The following GLI3 variants were observed in gnomAD, a reference collection of about 807,000 sequenced individuals.
GLI3 encodes the protein transcription activator GLI3.
Under a neutral mutation model 100.8 loss-of-function variants are expected in GLI3, and 20 were observed. The ratio of observed to expected loss-of-function variants is 0.20; its 90% CI spans 0.14 to 0.29. The LOEUF is 0.29. Among genes scored for constraint, GLI3 ranks in the 10% least tolerant of loss-of-function variants. The probability of loss-of-function intolerance (pLI) is 1.00; values close to 1 mark genes in which losing one functional copy is unlikely to be tolerated. For missense variants in GLI3, 2,040 were observed against 2,128.5 expected (o/e 0.96, Z 0.82); for synonymous variants, 938 against 860.5 (o/e 1.09, Z -1.58).
At chr7:42,125,844 A>G (rs1467668139) in intron 3 of GLI3, among the ~76,000 whole-genome samples, 1 of 152,192 alleles carries the variant, frequency 6.6e-6, no homozygotes, top group Non-Finnish European at 1.5e-5. Context: ...CAAGATAGGA[A>G]AGCTGCATGT....
chr7:42,026,440 T>C, intron 7 of GLI3, 28 bp from the exon 8 acceptor site: 1 of 1,551,130 alleles, frequency 6.4e-7, no homozygotes, highest in South Asian at 1.1e-5. Flanking sequence ...AAAAAGACGA[T>C]CATCACTTAA....
chr7:42,122,420 C>G (rs1184726218), intron 3 of GLI3, among the ~76,000 whole-genome samples: 1 of 151,992 alleles, frequency 6.6e-6, no homozygotes. Flanking sequence ...TTCTGTGCCT[C>G]AGGTATTCAA....
chr7:42,099,964 C>T (rs953667168), intron 3 of GLI3, among the ~76,000 whole-genome samples: 1 of 152,286 alleles, frequency 6.6e-6, no homozygotes, highest in African/African-American at 2.4e-5. Flanking sequence ...AATCCACTCT[C>T]TTTCTCTGTA....
chr7:41,989,915 C>G (rs996823540), intron 10 of GLI3, among the ~76,000 whole-genome samples: 40 of 147,960 alleles, frequency 2.7e-4, no homozygotes, highest in African/African-American at 8.3e-4. Context: ...GTCCCAGCTA[C>G]CTGAGAGGCT....
intron 3 of GLI3, among the ~76,000 whole-genome samples, chr7:42,116,652 C>T (rs1785865200): frequency 1.3e-5 from 2 of 152,124 alleles, no homozygotes; most frequent in Non-Finnish European, 2.9e-5. Context: ...CATTGGTTAC[C>T]GGAGATGGCC....
intron 3 of GLI3, among the ~76,000 whole-genome samples, chr7:42,088,034 C>T (rs892028193): frequency 7.2e-5 from 11 of 152,148 alleles, no homozygotes; most frequent in African/African-American, 2.4e-4. Context: ...GAGAATCCCC[C>T]GCTGCTTAGA....
intron 1 of GLI3, among the ~76,000 whole-genome samples, chr7:42,251,880 C>G (rs943880808): frequency 5.3e-5 from 8 of 151,884 alleles, no homozygotes; most frequent in African/African-American, 1.9e-4. Context: ...GAAGTAATGG[C>G]AAGTTATCTA....
intron 10 of GLI3, among the ~76,000 whole-genome samples, chr7:42,010,822 T>C (rs994597871): frequency 2.6e-5 from 4 of 152,244 alleles, no homozygotes; most frequent in African/African-American, 9.6e-5. Context: ...CTAATGAGTT[T>C]AGTGGCCTTC....
At chr7:42,038,932 AC>A (rs1312036856) in intron 7 of GLI3, among the ~76,000 whole-genome samples, 3 of 152,180 alleles carry the variant, frequency 2.0e-5, no homozygotes, top group Non-Finnish European at 4.4e-5. Flanking sequence ...AACTAACGCT[AC>A]CGCTCATTCA....
chr7:42,184,665 C>T (rs943611106), intron 2 of GLI3, among the ~76,000 whole-genome samples: 4 of 152,190 alleles, frequency 2.6e-5, no homozygotes, highest in Non-Finnish European at 5.9e-5. Flanking sequence ...GAGACACAGA[C>T]ACCCTTTAGC....
chr7:42,045,965 CTGAGT>C (rs1372369065), intron 5 of GLI3, among the ~76,000 whole-genome samples: 6 of 152,146 alleles, frequency 3.9e-5, no homozygotes, highest in Non-Finnish European at 8.8e-5. Context: ...ACAAGAGTGT[CTGAGT>C]TAACTCTCAC....
At chr7:42,063,648 A>G (rs973638456) in intron 4 of GLI3, among the ~76,000 whole-genome samples, 2 of 152,210 alleles carry the variant, frequency 1.3e-5, no homozygotes, top group African/African-American at 4.8e-5. Flanking sequence ...GGGATGTACT[A>G]CTTAGAATAG....
chr7:42,226,233 C>T (rs1005029619), intron 1 of GLI3, among the ~76,000 whole-genome samples: 1 of 152,182 alleles, frequency 6.6e-6, no homozygotes, highest in African/African-American at 2.4e-5. Flanking sequence ...AAACTGCACA[C>T]TGAAACATGC....
chr7:42,183,568 C>T (rs1395555972), intron 2 of GLI3, among the ~76,000 whole-genome samples: 2 of 152,190 alleles, frequency 1.3e-5, no homozygotes, highest in Non-Finnish European at 2.9e-5. Context: ...ATGCCCCTTA[C>T]AGGAAGTGAG....
intron 2 of GLI3, among the ~76,000 whole-genome samples, chr7:42,197,192 C>T (rs1009605026): frequency 6.6e-6 from 1 of 152,196 alleles, no homozygotes; most frequent in African/African-American, 2.4e-5. Flanking sequence ...CAAGTTTAAT[C>T]GGCTTTTCCC....
chr7:42,098,860 A>G (rs1435117537), intron 3 of GLI3, among the ~76,000 whole-genome samples: 1 of 152,194 alleles, frequency 6.6e-6, no homozygotes, highest in African/African-American at 2.4e-5. Context: ...CGCAAATATC[A>G]CAACCCAATT....
At chr7:42,003,148 T>C (rs1788354909) in intron 10 of GLI3, among the ~76,000 whole-genome samples, 1 of 152,140 alleles carries the variant, frequency 6.6e-6, no homozygotes, top group Admixed American at 6.5e-5. Flanking sequence ...AATGACTGAA[T>C]AAATCACACA....
intron 4 of GLI3, among the ~76,000 whole-genome samples, chr7:42,063,425 TATTAAAA>T (rs1262615872): frequency 6.6e-6 from 1 of 152,200 alleles, no homozygotes; most frequent in Non-Finnish European, 1.5e-5. Flanking sequence ...TTACTTTACT[TATTAAAA>T]GAGCTCTTTT....
intron 7 of GLI3, among the ~76,000 whole-genome samples, chr7:42,032,295 T>C (rs1292354094): frequency 1.3e-5 from 2 of 152,162 alleles, no homozygotes; most frequent in East Asian, 3.8e-4. Context: ...ATTAATACAT[T>C]AAACCTGGAA....
Sources: gnomAD v4.1 joint callset for allele counts (sites outside exome capture counted in the v4.1 genomes callset) on GRCh38, gnomAD v4.1.1 for gene constraint, MANE v1.5 for transcripts, NCBI Gene and HGNC (gene_info 2026-07-23, HGNC 2026-07-21) for gene names.